The following SH3RF1 variants were observed in gnomAD, a reference collection of about 807,000 sequenced individuals.
SH3RF1 encodes the protein E3 ubiquitin-protein ligase SH3RF1.
SH3RF1 carries 32 observed loss-of-function variants against 74.0 expected under a neutral mutation model. That is an observed-to-expected ratio of 0.43 (90% CI 0.33 to 0.58). SH3RF1 has a LOEUF of 0.58. SH3RF1 is among the 20% of genes least tolerant of loss of function. The pLI is 0.05. For synonymous variants in SH3RF1, 396 were observed against 439.6 expected, an observed-to-expected ratio of 0.90 and a Z score of 1.24; for missense variants, 954 against 1,130.9, an observed-to-expected ratio of 0.84 and a Z score of 2.24.
chr4:169,193,896 T>A (rs1249219957), intron 2 of SH3RF1, among the ~76,000 whole-genome samples: 4 of 152,218 alleles, frequency 2.6e-5, no homozygotes, highest in Non-Finnish European at 5.9e-5. Context: ...TTGTTACTGT[T>A]ACTGGTATTC....
At chr4:169,220,567 G>T (rs1380153464) in intron 2 of SH3RF1, among the ~76,000 whole-genome samples, 1 of 152,242 alleles carries the variant, frequency 6.6e-6, no homozygotes, top group East Asian at 1.9e-4. Context: ...AGCAACCCCT[G>T]CCTGGCCTTC....
intron 2 of SH3RF1, among the ~76,000 whole-genome samples, chr4:169,202,301 G>C (rs773566994): frequency 6.6e-6 from 1 of 152,030 alleles, no homozygotes; most frequent in Admixed American, 6.6e-5. Flanking sequence ...ACCTCCCTCC[G>C]TAGGAGGCTA....
chr4:169,151,749 T>C (rs1240221492), intron 4 of SH3RF1, among the ~76,000 whole-genome samples: 10 of 152,214 alleles, frequency 6.6e-5, no homozygotes, highest in African/African-American at 2.4e-4. Flanking sequence ...AGTTGCTAAA[T>C]AACTTTTTTG....
chr4:169,262,532 C>T (rs77566522), intron 2 of SH3RF1, among the ~76,000 whole-genome samples: 1 of 151,984 alleles, frequency 6.6e-6, no homozygotes, highest in African/African-American at 2.4e-5. Context: ...CCAGGCATGG[C>T]GGTAGGCGCC....
chr4:169,157,864 C>T (rs976777906), intron 2 of SH3RF1, among the ~76,000 whole-genome samples: 3 of 152,040 alleles, frequency 2.0e-5, no homozygotes, highest in Middle Eastern at 3.2e-3. Flanking sequence ...CTTCAGCCTC[C>T]CAAGTAGCTG....
chr4:169,122,173 C>T lies in SH3RF1; in HGVS notation c.1273G>A (p.Gly425Arg). The T allele has an allele frequency of 1.2e-6, 2 of 1,606,914 alleles. No homozygotes were observed. The highest frequency in any genetic ancestry group is 1.7e-6 in the Non-Finnish European group (2 of 1,175,866). The change falls in exon 7 of 12, where the codon GGA (glycine) becomes AGA (arginine). Residue 425 changes from glycine (G) to arginine (R), a missense_variant. Transcript: ENST00000284637. ...CCTGCCATGGGCCTCGGTCCCATTC[C>T]AGCAGCAGCAGCAGCGGCGGTGGCG... Reference protein sequence around the residue: ...PGATAAAAAAGMGPRPMAGST... With the variant: ...PGATAAAAAARMGPRPMAGST...
At chr4:169,231,601 A>G (rs1337130671) in intron 2 of SH3RF1, among the ~76,000 whole-genome samples, 13 of 152,120 alleles carry the variant, frequency 8.5e-5, no homozygotes, top group Non-Finnish European at 1.8e-4. Flanking sequence ...AATAAATAAA[A>G]AGGAAAATAA....
At chr4:169,249,876 GA>G (rs1431599387) in intron 2 of SH3RF1, among the ~76,000 whole-genome samples, 1 of 152,054 alleles carries the variant, frequency 6.6e-6, no homozygotes, top group Non-Finnish European at 1.5e-5. Flanking sequence ...TTAGAAAAAG[GA>G]AATTCATCTC....
intron 2 of SH3RF1, among the ~76,000 whole-genome samples, chr4:169,226,565 T>A (rs1338045351): frequency 2.0e-5 from 3 of 151,382 alleles, no homozygotes; most frequent in African/African-American, 7.3e-5. Flanking sequence ...CCCATGCTAA[T>A]CTCATTTAAC....
intron 4 of SH3RF1, among the ~76,000 whole-genome samples, chr4:169,151,195 G>C (rs899783952): frequency 6.6e-6 from 1 of 152,148 alleles, no homozygotes; most frequent in Non-Finnish European, 1.5e-5. Flanking sequence ...CTGCGGAACC[G>C]GCCCTTGGGA....
At position 169,096,587 on chromosome 4, in the gene SH3RF1, A is replaced by G; in HGVS notation, c.2599T>C (p.Phe867Leu). 1 of 1,614,190 alleles carries G rather than the reference A, an allele frequency of 6.2e-7. No homozygotes were observed. Among genetic ancestry groups the G allele is most frequent in the Non-Finnish European group, 8.5e-7 (1 of 1,180,020 alleles). ...FVHKKREDGW[F>L]KGTLQRNGKT... is the part of the protein sequence containing the mutation. ...CCATTACGTTGTAATGTGCCTTTGA[A>G]CCAGCCATCCTCTCGTTTTTTATGA... Residue 867 changes from phenylalanine to leucine, a missense_variant, in exon 12 of 12, where the codon TTC (phenylalanine) becomes CTC (leucine). Phe to Leu is a conservative substitution (Grantham distance 22, BLOSUM62 0). Coordinates refer to ENST00000284637, the MANE Select transcript of SH3RF1 (RefSeq NM_020870.4).
intron 4 of SH3RF1, among the ~76,000 whole-genome samples, chr4:169,147,931 T>C (rs1733919576): frequency 6.6e-6 from 1 of 152,240 alleles, no homozygotes. Flanking sequence ...TTAGTGTGTA[T>C]ATAGCAATAA....
intron 2 of SH3RF1, among the ~76,000 whole-genome samples, chr4:169,267,143 A>C (rs1181428265): frequency 1.3e-5 from 2 of 152,236 alleles, no homozygotes; most frequent in East Asian, 1.9e-4. Context: ...TTACATAGTC[A>C]ATTTCCATGT....
At position 169,102,563 on chromosome 4, in the gene SH3RF1, T is replaced by G. The variant is rs551129486; in HGVS notation, c.2498+4284A>C. On this transcript the variant is annotated intron_variant, in intron 11 of 11. Coordinates refer to ENST00000284637, the MANE Select transcript of SH3RF1 (RefSeq NM_020870.4). ...AGAAAAACCTGTCATATACTTTCTT[T>G]TATTTGCCATCCCTTCTGAAATATT... 7.2e-5 allele frequency among the ~76,000 whole-genome samples: 11 copies of G among 152,216 alleles called. No homozygotes were observed. The South Asian group carries it at 2.3e-3, about 32-fold the overall frequency.
At chr4:169,153,397 A>C (rs756914133) in intron 4 of SH3RF1, among the ~76,000 whole-genome samples, 8 of 152,174 alleles carry the variant, frequency 5.3e-5, no homozygotes, top group Non-Finnish European at 8.8e-5. Flanking sequence ...TTATTTACCA[A>C]TTTTTGTGAT....
chr4:169,133,248 A>G (rs982448830), intron 5 of SH3RF1, among the ~76,000 whole-genome samples: 1 of 152,196 alleles, frequency 6.6e-6, no homozygotes, highest in East Asian at 1.9e-4. Flanking sequence ...GAATACTAAC[A>G]TTTTTAAGCC....
At chr4:169,228,224 C>T (rs1730680623) in intron 2 of SH3RF1, among the ~76,000 whole-genome samples, 1 of 152,170 alleles carries the variant, frequency 6.6e-6, no homozygotes, top group African/African-American at 2.4e-5. Context: ...CACAAGTAGA[C>T]CATCTAAACA....
At chr4:169,148,720 GT>G (rs934534557) in intron 4 of SH3RF1, among the ~76,000 whole-genome samples, 3 of 151,798 alleles carry the variant, frequency 2.0e-5, no homozygotes, top group East Asian at 1.9e-4. Context: ...AGGAGAGGGG[GT>G]TTTTTTTGGT....
rs139926739 is a variant in SH3RF1 at position 169,106,993 on chromosome 4, T to C, written c.2352A>G (p.Ala784=). 5.0e-6 allele frequency: 8 copies of C among 1,613,866 alleles called. No individual in the cohort carries two copies. The highest frequency in any genetic ancestry group is 1.6e-4 in the Middle Eastern group (1 of 6,084). Residue 784 remains alanine (A), a synonymous_variant, in exon 11 of 12, where the codon GCA becomes GCG. Transcript: ENST00000284637. ...PVDGDGPVTT[A]VAGAALAQDA... is the part of the protein sequence containing the mutation. ...CCTGGGCCAGGGCTGCTCCTGCCAC[T>C]GCAGTCGTGACCGGTCCGTCCCCGT... is the stretch of plus-strand genomic sequence containing the variant.
Sources: gnomAD v4.1 joint callset for allele counts (sites outside exome capture counted in the v4.1 genomes callset) on GRCh38, gnomAD v4.1.1 for gene constraint, MANE v1.5 for transcripts, NCBI Gene and HGNC (gene_info 2026-07-23, HGNC 2026-07-21) for gene names.